PEX5L: variants seen among roughly 807,000 people sequenced by gnomAD.
PEX5L encodes the protein peroxisomal biogenesis factor 5 like.
In PEX5L, 30 loss-of-function variants were observed where a neutral mutation model predicts 84.0. The observed-to-expected ratio is 0.36, with a 90% CI of 0.27 to 0.48. The LOEUF is 0.48. Ranked by LOEUF, PEX5L falls within the 20% of genes least tolerant of loss-of-function variation. PEX5L has a pLI of 0.99. For synonymous variants in PEX5L, 270 were observed against 283.1 expected (o/e 0.95, Z 0.46); for missense variants, 533 against 754.6 (o/e 0.71, Z 3.44).
rs150037891 is a variant in PEX5L at position 179,917,457 on chromosome 3, T to A, written c.94-19211A>T. On this transcript the variant is annotated intron_variant, in intron 2 of 14. Coordinates refer to ENST00000467460, the MANE Select transcript of PEX5L (RefSeq NM_016559.3). ...TATCATGATCAAGTATTATGTGCTG[T>A]ACATTATTGCAGGTGCTATACTTAT... is the stretch of plus-strand genomic sequence containing the variant. Among the ~76,000 whole-genome samples the A allele has an allele frequency of 1.6e-3, 251 of 152,318 alleles. 1 individual carries two copies. Among genetic ancestry groups the A allele is most frequent in the Non-Finnish European group, 2.9e-3 (200 of 68,026 alleles).
intron 1 of PEX5L, among the ~76,000 whole-genome samples, chr3:179,974,604 C>G (rs968024914): frequency 2.6e-5 from 4 of 152,168 alleles, no homozygotes; most frequent in African/African-American, 9.7e-5. Context: ...CTTCTGAAAC[C>G]CCAAACACAG....
chr3:179,859,171 T>C lies in PEX5L; in HGVS notation c.727-14A>G. 6.4e-7 allele frequency: 1 copy of C among 1,573,752 alleles called. No homozygotes were observed. Among genetic ancestry groups the C allele is most frequent in the Non-Finnish European group, 8.7e-7 (1 of 1,143,348 alleles). ...GGTCAGTCGAGCCTGAAATCAATCA[T>C]ACACATAGTGTTATAATATTAGAAT... On this transcript the variant is annotated splice_polypyrimidine_tract_variant and intron_variant, in intron 7 of 14. Transcript: ENST00000467460.
chr3:179,956,377 G>C (rs181071969), intron 2 of PEX5L, among the ~76,000 whole-genome samples: 1 of 152,034 alleles, frequency 6.6e-6, no homozygotes, highest in Admixed American at 6.6e-5. Flanking sequence ...ACGAATTCAC[G>C]ATTATTTCTT....
chr3:179,821,332 A>C (rs944494269), intron 8 of PEX5L, among the ~76,000 whole-genome samples: 1 of 152,208 alleles, frequency 6.6e-6, no homozygotes, highest in Non-Finnish European at 1.5e-5. Context: ...CTCAGTGTCT[A>C]TGATTCGAAA....
intron 8 of PEX5L, among the ~76,000 whole-genome samples, chr3:179,831,671 A>T (rs147630014): frequency 6.6e-6 from 1 of 152,022 alleles, no homozygotes; most frequent in South Asian, 2.1e-4. Context: ...AGAGAACCCA[A>T]CCTAGACTTA....
Position 179,797,630 on chromosome 3 carries a change from A to C in PEX5L, c.*4198T>G, listed in dbSNP as rs866144986. 2.7e-3 allele frequency: 384 copies of C among 144,276 alleles called. 4 individuals are homozygous for C. The highest frequency in any genetic ancestry group is 9.3e-3 in the African/African-American group (367 of 39,378). The allele number at this position is 144,276 out of a possible 1,614,324, so 8.9% of individuals were successfully genotyped here. A position where few individuals can be genotyped will look rare whatever the true frequency, so the allele number is the denominator to read the frequency against. ...AATATATATATATATATATATATAT[A>C]TCTACTTCTTAGTTCAAAACAGTTT... On this transcript the variant is annotated 3_prime_UTR_variant, in exon 15 of 15. Transcript: ENST00000467460.
At chr3:179,944,006 C>A (rs566562654) in intron 2 of PEX5L, among the ~76,000 whole-genome samples, 6 of 151,698 alleles carry the variant, frequency 4.0e-5, no homozygotes, top group South Asian at 2.1e-4. Flanking sequence ...GCCCTCCCCC[C>A]CCCAAAAAAC....
chr3:179,953,242 A>G (rs1779589041), intron 2 of PEX5L, among the ~76,000 whole-genome samples: 2 of 152,336 alleles, frequency 1.3e-5, no homozygotes, highest in South Asian at 4.1e-4. Flanking sequence ...AAAAGCCACA[A>G]TTGACAAATG....
intron 10 of PEX5L, among the ~76,000 whole-genome samples, chr3:179,815,541 C>A (rs1043136495): frequency 6.6e-6 from 1 of 152,136 alleles, no homozygotes; most frequent in African/African-American, 2.4e-5. Flanking sequence ...GCAGAGATTG[C>A]GCCATTTCAC....
At chr3:179,876,033 GGA>G (rs1300756411) in intron 5 of PEX5L, among the ~76,000 whole-genome samples, 1 of 152,116 alleles carries the variant, frequency 6.6e-6, no homozygotes, top group African/African-American at 2.4e-5. Context: ...TTATAATGGG[GGA>G]GAGAGAGAAA....
At chr3:179,962,990 T>C (rs1579038535) in intron 2 of PEX5L, among the ~76,000 whole-genome samples, 2 of 152,240 alleles carry the variant, frequency 1.3e-5, no homozygotes, top group East Asian at 3.8e-4. Flanking sequence ...AAGTCTAGTA[T>C]TTTTCTTTTA....
intron 1 of PEX5L, among the ~76,000 whole-genome samples, chr3:179,996,196 G>A (rs1226609291): frequency 6.6e-6 from 1 of 152,160 alleles, no homozygotes; most frequent in African/African-American, 2.4e-5. Context: ...GGGCCCTAGA[G>A]GTGAGGGTGA....
chr3:179,864,824 G>A (rs1026672385), intron 7 of PEX5L, among the ~76,000 whole-genome samples: 1 of 152,024 alleles, frequency 6.6e-6, no homozygotes. Flanking sequence ...AGTAAAAAAC[G>A]AATTAATAAA....
intron 8 of PEX5L, among the ~76,000 whole-genome samples, chr3:179,849,464 A>C (rs571675691): frequency 6.6e-6 from 1 of 152,356 alleles, no homozygotes; most frequent in East Asian, 1.9e-4. Flanking sequence ...GCTGCGGCCC[A>C]AATGCCATAT....
intron 1 of PEX5L, among the ~76,000 whole-genome samples, chr3:180,024,679 T>C (rs1036913588): frequency 7.3e-5 from 11 of 151,596 alleles, no homozygotes; most frequent in Non-Finnish European, 1.5e-4. Flanking sequence ...AAAAGCTGCA[T>C]GTGTGTGTGT....
intron 1 of PEX5L, among the ~76,000 whole-genome samples, chr3:179,990,131 A>T (rs1787245973): frequency 6.6e-6 from 1 of 152,218 alleles, no homozygotes; most frequent in Admixed American, 6.5e-5. Context: ...TACTTAATAC[A>T]TTTAAACCTT....
chr3:180,017,590 C>A (rs1790051337), intron 1 of PEX5L, among the ~76,000 whole-genome samples: 1 of 151,916 alleles, frequency 6.6e-6, no homozygotes, highest in South Asian at 2.1e-4. Flanking sequence ...TACAACTGAG[C>A]CATATTTTCA....
chr3:179,918,169 C>G (rs1440571678), intron 2 of PEX5L, among the ~76,000 whole-genome samples: 1 of 152,136 alleles, frequency 6.6e-6, no homozygotes, highest in Non-Finnish European at 1.5e-5. Flanking sequence ...CTCATTAGAG[C>G]TGGATTAGAA....
At chr3:179,903,428 C>G (rs1762103973) in intron 2 of PEX5L, among the ~76,000 whole-genome samples, 1 of 152,090 alleles carries the variant, frequency 6.6e-6, no homozygotes, top group South Asian at 2.1e-4. Context: ...TGGAGTTTTA[C>G]TATGCTGCCC....
Sources: allele counts gnomAD v4.1 joint callset (sites outside exome capture counted in the v4.1 genomes callset), GRCh38; gene constraint gnomAD v4.1.1; transcripts MANE v1.5; gene names NCBI Gene and HGNC (gene_info 2026-07-23, HGNC 2026-07-21).